Variants in CYREN observed in about 807,000 individuals in gnomAD.
The protein encoded by CYREN is cell cycle regulator of non-homologous end joining.
In CYREN, 7 loss-of-function variants were observed where a neutral mutation model predicts 9.7. The ratio of observed to expected loss-of-function variants is 0.72; its 90% CI spans 0.41 to 1.36. The LOEUF is 1.36. Ranked by LOEUF, CYREN falls within the 40% of genes most tolerant of loss-of-function variation. The pLI, the probability that CYREN is intolerant of heterozygous loss-of-function variation, is 0.01. For missense variants in CYREN, 215 were observed against 198.1 expected (o/e 1.09, Z -0.51); for synonymous variants, 76 against 77.9 (o/e 0.98, Z 0.13).
chr7:135,128,927 C>G, intron 2 of CYREN: 1 of 1,534,446 alleles, frequency 6.5e-7, no homozygotes, highest in Non-Finnish European at 9.0e-7. Flanking sequence ...TGTTCCTGTG[C>G]AATATCTGTT....
At chr7:135,164,562 G>A (rs756798013), downstream of CYREN, 3 of 1,614,084 alleles carry the variant, frequency 1.9e-6, no homozygotes, top group African/African-American at 2.7e-5. Context: ...CAACCTCACT[G>A]ACCTGCCCAA....
At chr7:135,169,945 AC>A (rs1830527741) in intron 1 of CYREN, among the ~76,000 whole-genome samples, 1 of 152,214 alleles carries the variant, frequency 6.6e-6, no homozygotes, top group Admixed American at 6.5e-5. Context: ...CATGGGGCAC[AC>A]CTTTGCCAAT....
At chr7:135,168,642 CCTT>C (rs1222714558) in intron 2 of CYREN, 141 bp downstream of exon 2, 27 of 1,317,610 alleles carry the variant, frequency 2.0e-5, no homozygotes, top group Non-Finnish European at 2.8e-5. Flanking sequence ...AGCCCCTCCA[CCTT>C]CTAAAAGCTC....
At chr7:135,137,330 A>G (rs1399519224) in intron 2 of CYREN, among the ~76,000 whole-genome samples, 2 of 152,084 alleles carry the variant, frequency 1.3e-5, no homozygotes, top group African/African-American at 2.4e-5. Flanking sequence ...AAACAATGTC[A>G]ATAGAAACTA....
At chr7:135,113,399 A>T (rs1479323550) in intron 2 of CYREN, among the ~76,000 whole-genome samples, 1 of 152,170 alleles carries the variant, frequency 6.6e-6, no homozygotes, top group Admixed American at 6.5e-5. Flanking sequence ...TTTTCCTAGA[A>T]TATTTTAAAA....
intron 2 of CYREN, among the ~76,000 whole-genome samples, chr7:135,096,568 GATAGATAGATAGATAC>G (rs1364894868): frequency 0.097 from 2,887 of 29,676 alleles, 85 homozygotes; most frequent in Middle Eastern, 0.25. Context: ...AAGATAGATA[GATAGATAGATAGATAC>G]ATAGATAGAT....
intron 2 of CYREN, among the ~76,000 whole-genome samples, chr7:135,100,433 A>C (rs189078137): frequency 3.1e-4 from 47 of 152,312 alleles, no homozygotes; most frequent in Admixed American, 2.5e-3. Flanking sequence ...CCCCTTACTT[A>C]GGAATAATAT....
downstream of CYREN, chr7:135,164,376 A>AAAC (rs1196715788): frequency 2.0e-6 from 3 of 1,476,970 alleles, no homozygotes; most frequent in Non-Finnish European, 2.8e-6. Flanking sequence ...CACAGGGAAC[A>AAAC]AGCAAGGGAG....
At chr7:135,124,450 G>A (rs1179568443) in intron 2 of CYREN, among the ~76,000 whole-genome samples, 1 of 152,186 alleles carries the variant, frequency 6.6e-6, no homozygotes, top group Non-Finnish European at 1.5e-5. Flanking sequence ...AATAGTGGAA[G>A]ACTTTAACAC....
rs1017778514 is a variant in CYREN at position 135,147,919 on chromosome 7, C to T, written n.356+20830G>A. 39 of 455,690 alleles carry T rather than the reference C, an allele frequency of 8.6e-5. 1 individual carries two copies. The Admixed American group carries it at 8.7e-4, about 10-fold the overall frequency. The allele number at this position is 455,690 out of a possible 1,614,324, so 28.2% of individuals were successfully genotyped here. ...TGGCTCTTTAAATCAGTTGGTTTGC[C>T]GGCTACAGTGTAGGTAAAGAGTATG... On this transcript the variant is annotated intron_variant and non_coding_transcript_variant, in intron 2 of 2. Transcript: ENST00000459937.
chr7:135,164,270 C>T (rs1830023480), downstream of CYREN: 4 of 617,524 alleles, frequency 6.5e-6, no homozygotes, highest in South Asian at 9.3e-5. Context: ...CAGGAGGTTA[C>T]CTCAGACTTC....
chr7:135,110,161 A>G (rs1825408355), intron 2 of CYREN, among the ~76,000 whole-genome samples: 1 of 151,932 alleles, frequency 6.6e-6, no homozygotes, highest in African/African-American at 2.4e-5. Context: ...TGGAGTTCCA[A>G]GCCAGTCCCT....
chr7:135,124,660 T>C (rs903977286), intron 2 of CYREN, among the ~76,000 whole-genome samples: 3 of 152,208 alleles, frequency 2.0e-5, no homozygotes, highest in Admixed American at 1.3e-4. Context: ...AAAACAGTCC[T>C]CAACAAATGC....
intron 2 of CYREN, among the ~76,000 whole-genome samples, chr7:135,133,355 C>A (rs1309691132): frequency 6.6e-6 from 1 of 152,126 alleles, no homozygotes; most frequent in Non-Finnish European, 1.5e-5. Flanking sequence ...TCAGTTCTTC[C>A]CAGCTTAATA....
At chr7:135,167,829 C>T in intron 2 of CYREN, 22 bp from the exon 3 acceptor site, 1 of 1,614,018 alleles carries the variant, frequency 6.2e-7, no homozygotes, top group African/African-American at 1.3e-5. Flanking sequence ...ACATGCAAGG[C>T]ACAGATGACA....
chr7:135,139,925 T>A (rs957394266), intron 2 of CYREN, among the ~76,000 whole-genome samples: 2 of 152,008 alleles, frequency 1.3e-5, no homozygotes, highest in Non-Finnish European at 2.9e-5. Context: ...GTTTCATTAG[T>A]CTGTTTTTGT....
At chr7:135,122,085 G>A (rs527829181) in intron 2 of CYREN, among the ~76,000 whole-genome samples, 1 of 152,218 alleles carries the variant, frequency 6.6e-6, no homozygotes, top group Non-Finnish European at 1.5e-5. Flanking sequence ...GAGTTCCTTG[G>A]GGGAGGGGCA....
chr7:135,108,656 C>CT (rs1253870468), intron 2 of CYREN, among the ~76,000 whole-genome samples: 2 of 152,122 alleles, frequency 1.3e-5, no homozygotes, highest in African/African-American at 4.8e-5. Flanking sequence ...CTTGGAAAAT[C>CT]TGATGTTTAT....
rs149291955 is a variant in CYREN at position 135,119,043 on chromosome 7, T to A, written n.357-24461A>T. Among the ~76,000 whole-genome samples, 191 of 152,216 alleles carry A rather than the reference T, an allele frequency of 1.3e-3. 3 individuals are homozygous for A. Among genetic ancestry groups the A allele is most frequent in the African/African-American group, 4.6e-3 (189 of 41,532 alleles). ...ACCTGTAGGACTATAAGACAAAATC[T>A]AATAATATTCACATATCGTAGTTTC... On this transcript the variant is annotated intron_variant and non_coding_transcript_variant, in intron 2 of 2. Coordinates refer to the CYREN transcript ENST00000459937.
Sources: gnomAD v4.1 joint callset for allele counts (sites outside exome capture counted in the v4.1 genomes callset) on GRCh38, gnomAD v4.1.1 for gene constraint, MANE v1.5 for transcripts, NCBI Gene and HGNC (gene_info 2026-07-23, HGNC 2026-07-21) for gene names.